Variants in PHYHIPL observed in about 807,000 individuals in gnomAD.
PHYHIPL encodes the protein phytanoyl-CoA hydroxylase-interacting protein-like.
Under a neutral mutation model 33.4 loss-of-function variants are expected in PHYHIPL, and 9 were observed. That is an observed-to-expected ratio of 0.27 (90% confidence interval 0.16 to 0.47). The LOEUF (loss-of-function observed/expected upper bound fraction) is 0.47. Ranked by LOEUF, PHYHIPL falls within the 20% of genes least tolerant of loss-of-function variation. PHYHIPL has a pLI of 0.99. For synonymous variants in PHYHIPL, 153 were observed against 154.1 expected (o/e 0.99, Z 0.05); for missense variants, 365 against 460.7 (o/e 0.79, Z 1.90).
intron 1 of PHYHIPL, among the ~76,000 whole-genome samples, chr10:59,185,295 C>G (rs1298857560): frequency 6.6e-6 from 1 of 152,168 alleles, no homozygotes; most frequent in African/African-American, 2.4e-5. Flanking sequence ...CGGCCGAACT[C>G]ATCATTTTTT....
At chr10:59,183,820 C>A in intron 1 of PHYHIPL, 1 of 276,054 alleles carries the variant, frequency 3.6e-6, no homozygotes, top group Non-Finnish European at 5.5e-6. Context: ...GTGGTTGTGG[C>A]AACTAGTGTA....
chr10:59,221,673 A>C, intron 1 of PHYHIPL: 1 of 984,880 alleles, frequency 1.0e-6, no homozygotes, highest in Non-Finnish European at 1.2e-6. Flanking sequence ...TGAACTGTGG[A>C]AATCTAGAGC....
chr10:59,229,108 T>C (rs554133596), intron 1 of PHYHIPL, among the ~76,000 whole-genome samples: 293 of 152,306 alleles, frequency 1.9e-3, no homozygotes, highest in Non-Finnish European at 3.5e-3. Context: ...CTTTTTTGGA[T>C]TAATCAAATT....
At chr10:59,238,524 T>C (rs73296198) in intron 3 of PHYHIPL, 64 bp from the exon 4 acceptor site, 1 of 795,580 alleles carries the variant, frequency 1.3e-6, no homozygotes, top group Non-Finnish European at 2.1e-6. Flanking sequence ...TTCAATTTAT[T>C]AAGTATATGG....
At chr10:59,240,138 G>A (rs1840347331) in intron 4 of PHYHIPL, among the ~76,000 whole-genome samples, 1 of 151,948 alleles carries the variant, frequency 6.6e-6, no homozygotes. Context: ...ACAGAGTTTA[G>A]TCCTTCATTT....
At chr10:59,216,041 A>T (rs183678680) in intron 1 of PHYHIPL, among the ~76,000 whole-genome samples, 5 of 152,172 alleles carry the variant, frequency 3.3e-5, no homozygotes, top group Non-Finnish European at 7.4e-5. Context: ...TATCTGTGAG[A>T]CATCCAAGTA....
intron 1 of PHYHIPL, among the ~76,000 whole-genome samples, chr10:59,230,997 T>C (rs1189757005): frequency 1.3e-5 from 2 of 152,164 alleles, no homozygotes; most frequent in African/African-American, 4.8e-5. Flanking sequence ...TTATAAATGT[T>C]TCTTATCAGA....
rs1369198471 is a variant in PHYHIPL, at chr10:59,245,851, G to A, written c.*260G>A. On this transcript the variant is annotated 3_prime_UTR_variant, in exon 5 of 5. Transcript: ENST00000373880. ...CACTTTATTGCCTAGATGCTGCAATGTTTTTATGTTTCCTTTATGCCAAAC... is the reference window on the plus strand; with the variant it reads ...CACTTTATTGCCTAGATGCTGCAATATTTTTATGTTTCCTTTATGCCAAAC... 2 of 412,604 alleles carry A rather than the reference G, an allele frequency of 4.8e-6. No individual in the cohort carries two copies. Among genetic ancestry groups the A allele is most frequent in the Non-Finnish European group, 8.7e-6 (2 of 230,536 alleles). 25.6% of individuals were successfully genotyped at this position (412,604 alleles called of 1,614,324 possible). A position where few individuals can be genotyped will look rare whatever the true frequency, so the allele number is the denominator to read the frequency against.
intron 1 of PHYHIPL, 182 bp downstream of exon 1, chr10:59,177,141 G>T: frequency 1.6e-6 from 1 of 616,910 alleles, no homozygotes; most frequent in Non-Finnish European, 2.7e-6. Context: ...GAAACAAAAG[G>T]ACCCCGGGGC....
chr10:59,186,365 G>T (rs189405151), intron 1 of PHYHIPL, among the ~76,000 whole-genome samples: 1 of 152,288 alleles, frequency 6.6e-6, no homozygotes, highest in Admixed American at 6.5e-5. Context: ...TTTGGTTACC[G>T]TAGCCTTGTA....
At chr10:59,175,160 GTAA>G (rs1838228007), upstream of PHYHIPL, among the ~76,000 whole-genome samples, 2 of 152,150 alleles carry the variant, frequency 1.3e-5, no homozygotes, top group Non-Finnish European at 2.9e-5. Context: ...CCTTTGACAG[GTAA>G]TAATTTACCC....
chr10:59,185,051 C>T (rs1838539916), intron 1 of PHYHIPL, among the ~76,000 whole-genome samples: 3 of 136,028 alleles, frequency 2.2e-5, no homozygotes, highest in Admixed American at 8.3e-5. Context: ...AGTGCAGTGG[C>T]GGGATCTCGG....
At chr10:59,185,804 A>G (rs1038539492) in intron 1 of PHYHIPL, among the ~76,000 whole-genome samples, 10 of 151,900 alleles carry the variant, frequency 6.6e-5, no homozygotes, top group African/African-American at 2.4e-4. Context: ...CCACTTTTTG[A>G]TGGGGTTGTT....
intron 4 of PHYHIPL, among the ~76,000 whole-genome samples, chr10:59,241,990 C>A (rs1160067025): frequency 6.6e-6 from 1 of 152,130 alleles, no homozygotes; most frequent in East Asian, 1.9e-4. Context: ...AACCACCATA[C>A]CCCAGGCAAA....
chr10:59,185,157 AT>A (rs1485815652), intron 1 of PHYHIPL, among the ~76,000 whole-genome samples: 1 of 151,096 alleles, frequency 6.6e-6, no homozygotes, highest in Admixed American at 6.6e-5. Context: ...CGCCCGGCTA[AT>A]TTTTTGTATT....
intron 1 of PHYHIPL, among the ~76,000 whole-genome samples, chr10:59,183,323 A>G (rs1159273527): frequency 1.3e-5 from 2 of 152,222 alleles, no homozygotes; most frequent in Non-Finnish European, 2.9e-5. Context: ...AGATTAGTAT[A>G]AAGCAAAAAG....
At chr10:59,185,725 G>A (rs1265767538) in intron 1 of PHYHIPL, among the ~76,000 whole-genome samples, 6 of 152,144 alleles carry the variant, frequency 3.9e-5, no homozygotes, top group Non-Finnish European at 7.4e-5. Context: ...GTAATGATGA[G>A]CATTTTTTCA....
intron 4 of PHYHIPL, among the ~76,000 whole-genome samples, chr10:59,244,180 A>G (rs915002816): frequency 2.0e-5 from 3 of 152,134 alleles, no homozygotes; most frequent in Admixed American, 6.6e-5. Context: ...GTGGAGAATG[A>G]ATGGATTTGG....
In PHYHIPL at chr10:59,247,734, A is replaced by G. The variant is rs1466925408; in HGVS notation, c.*2143A>G. 1 of 1,608,350 alleles carries G rather than the reference A, an allele frequency of 6.2e-7. No individual in the cohort carries two copies. Among genetic ancestry groups the G allele is most frequent in the African/African-American group, 1.3e-5 (1 of 74,634 alleles). On this transcript the variant is annotated 3_prime_UTR_variant, in exon 5 of 5. Coordinates refer to ENST00000373880, the MANE Select transcript of PHYHIPL (RefSeq NM_032439.4). ...TTGGTATCCTATCTTCCTTTTGTGGACTTCTGCAAAACAAAAATACATTTG... is the reference window on the plus strand; with the variant it reads ...TTGGTATCCTATCTTCCTTTTGTGGGCTTCTGCAAAACAAAAATACATTTG...
Sources: gnomAD v4.1 joint callset for allele counts (sites outside exome capture counted in the v4.1 genomes callset) on GRCh38, gnomAD v4.1.1 for gene constraint, MANE v1.5 for transcripts, NCBI Gene and HGNC (gene_info 2026-07-23, HGNC 2026-07-21) for gene names.